Variants in CSMD3 observed in about 807,000 individuals in gnomAD.
CSMD3 encodes CUB and Sushi multiple domains 3, also known as CUB and sushi domain-containing protein 3.
Under a neutral mutation model 435.2 loss-of-function variants are expected in CSMD3, and 177 were observed. That is an observed-to-expected ratio of 0.41 (90% CI 0.36 to 0.46). CSMD3 has a LOEUF of 0.46. CSMD3 is among the 20% of genes least tolerant of loss of function. The pLI is 0.34. For synonymous variants in CSMD3, 1,656 were observed against 1,520.5 expected (o/e 1.09, Z -2.07); for missense variants, 4,265 against 4,504.6 (o/e 0.95, Z 1.52).
chr8:112,316,350 C>G (rs1201060621), intron 47 of CSMD3, among the ~76,000 whole-genome samples: 1 of 151,342 alleles, frequency 6.6e-6, no homozygotes, highest in Non-Finnish European at 1.5e-5. Context: ...AGAACTCTGA[C>G]ATTGATTTTC....
rs1434923979 is a variant in CSMD3, at chr8:113,302,260, A to ATATATATATAATATATATTATATAAG, written c.401+12310_401+12311insCTTATATAATATATATTATATATATA. The stretch of plus-strand genomic sequence containing the variant: ...ATATAATATAATATATATTATATAA[A>ATATATATATAATATATATTATATAAG]ATATATATAATATATAATTATAATA... On this transcript the variant is annotated intron_variant, in intron 2 of 70. Transcript: ENST00000297405. Among the ~76,000 whole-genome samples, 144 of 127,260 alleles carry ATATATATATAATATATATTATATAAG rather than the reference A, an allele frequency of 1.1e-3. 2 individuals are homozygous for ATATATATATAATATATATTATATAAG. The highest frequency in any genetic ancestry group is 3.9e-3 in the African/African-American group (137 of 35,528). The allele number at this position is 127,260 out of a possible 152,430, so 83.5% of individuals were successfully genotyped here. A position where few individuals can be genotyped will look rare whatever the true frequency, so the allele number is the denominator to read the frequency against.
intron 5 of CSMD3, 112 bp from the exon 6 acceptor site, chr8:113,019,291 C>G: frequency 1.4e-6 from 1 of 734,020 alleles, no homozygotes; most frequent in Admixed American, 2.0e-5. Flanking sequence ...TTTGCACTGT[C>G]AACTTTTTAA....
intron 10 of CSMD3, among the ~76,000 whole-genome samples, chr8:112,861,725 G>C (rs1309905682): frequency 6.6e-6 from 1 of 151,856 alleles, no homozygotes; most frequent in African/African-American, 2.4e-5. Context: ...AATGTAGCGT[G>C]AAAGAGTCTA....
At chr8:112,744,361 A>G (rs909162509) in intron 13 of CSMD3, among the ~76,000 whole-genome samples, 2 of 152,146 alleles carry the variant, frequency 1.3e-5, no homozygotes, top group African/African-American at 2.4e-5. Context: ...CATAGATATT[A>G]GAACAGTACT....
chr8:112,526,105 T>A (rs946155340), intron 27 of CSMD3, among the ~76,000 whole-genome samples: 1 of 151,486 alleles, frequency 6.6e-6, no homozygotes, highest in Non-Finnish European at 1.5e-5. Context: ...ATTTCAGTTA[T>A]TGTTTTCAAT....
intron 10 of CSMD3, among the ~76,000 whole-genome samples, chr8:112,917,874 A>G (rs541606922): frequency 3.5e-4 from 53 of 152,056 alleles, no homozygotes; most frequent in Admixed American, 2.0e-3. Flanking sequence ...GTCAATTCAC[A>G]TTGTGATTGC....
chr8:112,913,681 CCTCT>C (rs919809321), intron 10 of CSMD3, among the ~76,000 whole-genome samples: 1 of 145,948 alleles, frequency 6.9e-6, no homozygotes, highest in African/African-American at 2.5e-5. Context: ...TTTTTTTTCT[CCTCT>C]CTCTCTCTCC....
chr8:113,191,686 G>T (rs1010065052), intron 3 of CSMD3, among the ~76,000 whole-genome samples: 8 of 151,702 alleles, frequency 5.3e-5, no homozygotes, highest in African/African-American at 1.9e-4. Flanking sequence ...CTGATTCCAT[G>T]TCTTTCCTAT....
intron 3 of CSMD3, among the ~76,000 whole-genome samples, chr8:113,253,541 C>T (rs779650339): frequency 6.6e-6 from 1 of 151,840 alleles, no homozygotes; most frequent in East Asian, 1.9e-4. Flanking sequence ...CATTCAACTC[C>T]TACAAGGAAC....
chr8:113,380,663 A>T (rs2094411112), intron 1 of CSMD3, among the ~76,000 whole-genome samples: 1 of 152,132 alleles, frequency 6.6e-6, no homozygotes, highest in East Asian at 1.9e-4. Context: ...CCATAATAAC[A>T]CAAAAATGAC....
At chr8:112,632,494 G>T (rs894642944) in intron 22 of CSMD3, among the ~76,000 whole-genome samples, 6 of 151,890 alleles carry the variant, frequency 4.0e-5, no homozygotes, top group African/African-American at 1.5e-4. Context: ...AAAATGTGTG[G>T]GCTTCTTAAA....
intron 8 of CSMD3, among the ~76,000 whole-genome samples, chr8:112,953,921 T>A (rs578060350): frequency 6.6e-6 from 1 of 151,628 alleles, no homozygotes; most frequent in East Asian, 1.9e-4. Flanking sequence ...ATTTTGGAAG[T>A]CAAGTATTGT....
intron 22 of CSMD3, among the ~76,000 whole-genome samples, chr8:112,628,187 C>T (rs1386935904): frequency 6.6e-6 from 1 of 152,040 alleles, no homozygotes; most frequent in Non-Finnish European, 1.5e-5. Flanking sequence ...TTTTTTAACT[C>T]ATTGAAAAAG....
chr8:113,149,850 C>T lies in CSMD3; in HGVS notation c.709+23872G>A, dbSNP rs76756640. Among the ~76,000 whole-genome samples, 65 of 151,952 alleles carry T rather than the reference C, an allele frequency of 4.3e-4. 1 individual carries two copies. In the East Asian group the frequency reaches 0.012, roughly 27 times the overall value. ...TCAAGTTCCAATAGCAAATGCATGCCATCAATACAGAAATTCAGCCAAAAT... is the reference window on the plus strand; with the variant it reads ...TCAAGTTCCAATAGCAAATGCATGCTATCAATACAGAAATTCAGCCAAAAT... On this transcript the variant is annotated intron_variant, in intron 4 of 70. Transcript: ENST00000297405.
At chr8:112,703,404 G>A (rs2076432448) in intron 13 of CSMD3, among the ~76,000 whole-genome samples, 1 of 152,176 alleles carries the variant, frequency 6.6e-6, no homozygotes, top group African/African-American at 2.4e-5. Context: ...GGAAATATAG[G>A]TTTAAATGGC....
intron 32 of CSMD3, among the ~76,000 whole-genome samples, chr8:112,458,215 C>CCACACACACACACACACACA (rs1283555462): frequency 0.02 from 2,987 of 150,766 alleles, 98 homozygotes; most frequent in African/African-American, 0.07. Context: ...ACACTCACAC[C>CCACACACACACACACACACA]CACACACACA....
At chr8:113,269,738 G>T (rs1281188250) in intron 3 of CSMD3, among the ~76,000 whole-genome samples, 1 of 152,000 alleles carries the variant, frequency 6.6e-6, no homozygotes, top group African/African-American at 2.4e-5. Context: ...AACAAATGGT[G>T]CTGGGAAAAC....
chr8:113,067,131 G>C (rs1222354372), intron 5 of CSMD3, among the ~76,000 whole-genome samples: 4 of 151,908 alleles, frequency 2.6e-5, no homozygotes, highest in Non-Finnish European at 5.9e-5. Flanking sequence ...GGAAAACAAG[G>C]GCTATGGAAA....
At chr8:112,864,833 A>G (rs1207738321) in intron 10 of CSMD3, among the ~76,000 whole-genome samples, 1 of 152,148 alleles carries the variant, frequency 6.6e-6, no homozygotes. Context: ...GTTAGCTAAT[A>G]TTTATGCGTT....
Sources: allele counts gnomAD v4.1 joint callset (sites outside exome capture counted in the v4.1 genomes callset), GRCh38; gene constraint gnomAD v4.1.1; transcripts MANE v1.5; gene names NCBI Gene and HGNC (gene_info 2026-07-23, HGNC 2026-07-21).